ATG2B: variants seen among roughly 807,000 people sequenced by gnomAD.
ATG2B encodes autophagy related 2B.
In ATG2B, 121 loss-of-function variants were observed where a neutral mutation model predicts 241.3. That is an observed-to-expected ratio of 0.50 (90% CI 0.43 to 0.58). The LOEUF is 0.58. Ranked by LOEUF, ATG2B falls within the 20% of genes least tolerant of loss-of-function variation. ATG2B has a pLI of 0.00. For missense variants in ATG2B, 2,306 were observed against 2,491.6 expected (o/e 0.93, Z 1.59); for synonymous variants, 858 against 876.6 (o/e 0.98, Z 0.37).
chr14:96,311,967 T>C, intron 26 of ATG2B, 122 bp downstream of exon 26: 2 of 749,796 alleles, frequency 2.7e-6, no homozygotes, highest in Non-Finnish European at 4.5e-6. Flanking sequence ...CCTTTAATCT[T>C]TAAGGATCTT....
At chr14:96,305,895 T>G in intron 30 of ATG2B, 80 bp from the exon 31 acceptor site, 1 of 1,068,072 alleles carries the variant, frequency 9.4e-7, no homozygotes, top group Non-Finnish European at 1.4e-6. Flanking sequence ...CAAGGGGCAT[T>G]CTTGCTTCTA....
rs774013589 is a variant in ATG2B, at chr14:96,295,485, C to T, written c.5215G>A (p.Glu1739Lys). 1 of 1,592,870 alleles carries T rather than the reference C, an allele frequency of 6.3e-7. No homozygotes were observed. Among genetic ancestry groups the T allele is most frequent in the Admixed American group, 1.8e-5 (1 of 55,500 alleles). ...TTCAACTATACATATTTAATACCTT[C>T]TGGATCTGGAGTCATTTGAAGCTCT... is the stretch of plus-strand genomic sequence containing the variant. ...EVELQMTPDP[E>K]VKKSPGADVT... The change falls in exon 35 of 42, where the codon GAA (glutamate) becomes AAA (lysine). Residue 1739 changes from glutamate to lysine, a missense_variant. By Grantham distance (56) the Glu-to-Lys change is moderately conservative (BLOSUM62 1). Transcript: ENST00000359933.
rs1284679273 is a variant in ATG2B, at chr14:96,317,582, T to C, written c.3037+116A>G. On this transcript the variant is annotated intron_variant, in intron 19 of 41. Coordinates refer to ENST00000359933, the MANE Select transcript of ATG2B (RefSeq NM_018036.7). ...ATTCTTATAAATTACTAAAAGAAAT[T>C]GCAAAATATAGTTACAATGAAACAT... The C allele has an allele frequency of 7.6e-6, 7 of 919,158 alleles. No individual in the cohort carries two copies. In the African/African-American group the frequency reaches 8.4e-5, roughly 11 times the overall value. 56.9% of individuals were successfully genotyped at this position (919,158 alleles called of 1,614,324 possible).
chr14:96,285,848 T>C lies in ATG2B; in HGVS notation c.6144A>G (p.Glu2048=). Residue 2048 remains glutamate, a synonymous_variant, in exon 42 of 42, where the codon GAA becomes GAG. Transcript: ENST00000359933. This position sits in a 1 kb window ranked among gnomAD's most constrained non-coding sequence, Gnocchi z 4.2. ...TGCCACCCAGCACGTTTGACGTTGC[T>C]TCTGTGGCAACAATCAGAGGTTTCA... is the stretch of plus-strand genomic sequence containing the variant. ...AVVKPLIVAT[E]ATSNVLGGMR... is the part of the protein sequence containing the mutation. 1 of 1,614,166 alleles carries C rather than the reference T, an allele frequency of 6.2e-7. No individual in the cohort carries two copies. Among genetic ancestry groups the C allele is most frequent in the Non-Finnish European group, 8.5e-7 (1 of 1,180,026 alleles).
At position 96,282,201 on chromosome 14, in the gene ATG2B, C is replaced by CT. The variant is rs1886217444; in HGVS notation, c.*3553dup. ...TCTATAAACTATACAAATAACCTTCCTTTTTAACCTAAGACTCAAACATTT... is the reference window on the plus strand; with the variant it reads ...TCTATAAACTATACAAATAACCTTCCTTTTTTAACCTAAGACTCAAACATTT... On this transcript the variant is annotated 3_prime_UTR_variant, in exon 42 of 42. Coordinates refer to ENST00000359933, the MANE Select transcript of ATG2B (RefSeq NM_018036.7). 1.3e-5 allele frequency: 2 copies of CT among 152,188 alleles called. No individual in the cohort carries two copies. The highest frequency in any genetic ancestry group is 4.1e-4 in the South Asian group (2 of 4,830). The allele number at this position is 152,188 out of a possible 1,614,324, so 9.4% of individuals were successfully genotyped here.
intron 11 of ATG2B, among the ~76,000 whole-genome samples, chr14:96,330,489 C>G (rs1033639698): frequency 6.6e-6 from 1 of 152,082 alleles, no homozygotes; most frequent in African/African-American, 2.4e-5. Context: ...AAAGGCTGGG[C>G]GTGGTGGCTC....
chr14:96,295,351 C>A, intron 35 of ATG2B, 131 bp downstream of exon 35: 1 of 866,278 alleles, frequency 1.2e-6, no homozygotes. Context: ...CGCGAATCAA[C>A]AAAAATAAAC....
At chr14:96,350,295 T>C (rs1888280073) in intron 1 of ATG2B, among the ~76,000 whole-genome samples, 1 of 152,062 alleles carries the variant, frequency 6.6e-6, no homozygotes, top group Admixed American at 6.5e-5. Flanking sequence ...AAAAGGGTTA[T>C]GAAAGAGGAG....
At chr14:96,325,312 A>T (rs189614972) in intron 15 of ATG2B, among the ~76,000 whole-genome samples, 1 of 152,326 alleles carries the variant, frequency 6.6e-6, no homozygotes, top group African/African-American at 2.4e-5. Context: ...TGCTTAGCAT[A>T]ATATTTAACA....
intron 29 of ATG2B, among the ~76,000 whole-genome samples, chr14:96,308,856 T>C (rs929783831): frequency 3.3e-5 from 5 of 152,220 alleles, no homozygotes; most frequent in African/African-American, 7.2e-5. Flanking sequence ...TCAAGGATCT[T>C]GAATCACCTG....
At chr14:96,293,385 C>A (rs1410637840) in intron 36 of ATG2B, among the ~76,000 whole-genome samples, 2 of 152,042 alleles carry the variant, frequency 1.3e-5, no homozygotes, top group African/African-American at 4.8e-5. Context: ...ATAGGACAAA[C>A]CATTTATTTT....
Position 96,279,627 on chromosome 14 carries a change from G to C in ATG2B, c.*6128C>G, listed in dbSNP as rs1247995318. On this transcript the variant is annotated 3_prime_UTR_variant, in exon 42 of 42. Transcript: ENST00000359933. ...ACAGAGAGGAAGGGAGGGTGGCCAG[G>C]CTGCCTGAAGTGGAGCCTCCGGGCT... 6.6e-6 allele frequency: 1 copy of C among 151,920 alleles called. No individual in the cohort carries two copies. The highest frequency in any genetic ancestry group is 1.5e-5 in the Non-Finnish European group (1 of 68,044). The allele number at this position is 151,920 out of a possible 1,614,324, so 9.4% of individuals were successfully genotyped here.
At chr14:96,309,844 C>A (rs1887101085) in intron 28 of ATG2B, among the ~76,000 whole-genome samples, 1 of 152,112 alleles carries the variant, frequency 6.6e-6, no homozygotes, top group Admixed American at 6.5e-5. Flanking sequence ...CTTGAAGAGG[C>A]AATGCATTTG....
In ATG2B at chr14:96,324,010, G is replaced by A. The variant is rs1001901173; in HGVS notation, c.2438-12C>T. Reference sequence around the variant, plus strand: ...TTCCTGGAACGATCCTAAAAAAAAAGACTGATTTACTGAAATGTGCTTCTT... The same window carrying A: ...TTCCTGGAACGATCCTAAAAAAAAAAACTGATTTACTGAAATGTGCTTCTT... On this transcript the variant is annotated splice_polypyrimidine_tract_variant and intron_variant, in intron 15 of 41. Transcript: ENST00000359933. 1 of 1,357,202 alleles carries A rather than the reference G, an allele frequency of 7.4e-7. No individual in the cohort carries two copies. The highest frequency in any genetic ancestry group is 1.0e-6 in the Non-Finnish European group (1 of 974,770). 84.1% of individuals were successfully genotyped at this position (1,357,202 alleles called of 1,614,324 possible).
rs1256602796 is a variant in ATG2B, at chr14:96,306,864, G to C, written c.4356C>G (p.Phe1452Leu). Residue 1452 changes from phenylalanine (F) to leucine (L), a missense_variant, in exon 30 of 42, where the codon TTC becomes TTG. By Grantham distance (22) the Phe-to-Leu change is conservative. Transcript: ENST00000359933. ...QIQEPCCSDL[F>L]LFPDESGNVS... is the part of the protein sequence containing the mutation. ...CATTCCCACTCTCGTCAGGAAACAG[G>C]AAGAGGTCTGAACAACATGGCTCCT... The C allele has an allele frequency of 1.2e-6, 2 of 1,614,032 alleles. No homozygotes were observed.
At chr14:96,361,105 A>G (rs1313205203) in intron 1 of ATG2B, among the ~76,000 whole-genome samples, 2 of 152,216 alleles carry the variant, frequency 1.3e-5, no homozygotes, top group African/African-American at 2.4e-5. Flanking sequence ...TTATCATTTT[A>G]GTTTACAAAA....
At chr14:96,322,811 T>TAC in intron 16 of ATG2B, 76 bp from the exon 17 acceptor site, 1 of 1,162,710 alleles carries the variant, frequency 8.6e-7, no homozygotes, top group Non-Finnish European at 1.2e-6. Context: ...TGCAAATTAA[T>TAC]ACACACACCA....
At position 96,290,436 on chromosome 14, in the gene ATG2B, C is replaced by G. The variant is rs1184083349; in HGVS notation, c.5856G>C (p.Gln1952His). Residue 1952 changes from glutamine (Q) to histidine (H), a missense_variant and splice_region_variant, in exon 40 of 42, where the codon CAG (glutamine) becomes CAC (histidine). By Grantham distance (24) the Gln-to-His change is conservative. This residue lies in a region of ATG2B where 379 missense variants were observed against 480.4 expected (regional missense o/e 0.79). Coordinates refer to ENST00000359933, the MANE Select transcript of ATG2B (RefSeq NM_018036.7). This position sits in a 1 kb window ranked among gnomAD's most constrained non-coding sequence, Gnocchi z 4.4. ...AGACTAAGGCAGTCTAAAAAGATAC[C>G]TGTATGGTTTGAACCATTCTGTTTG... ...ELTNRMVQTI[Q>H]AAAETAYDMV... The G allele has an allele frequency of 1.2e-6, 2 of 1,614,036 alleles. No homozygotes were observed. Among genetic ancestry groups the G allele is most frequent in the Non-Finnish European group, 1.7e-6 (2 of 1,179,968 alleles).
chr14:96,300,646 C>T (rs1167175404), intron 34 of ATG2B, among the ~76,000 whole-genome samples: 6 of 152,242 alleles, frequency 3.9e-5, no homozygotes, highest in African/African-American at 1.4e-4. Context: ...ACAAATATTT[C>T]ATTGTATTTC....
Sources: allele counts gnomAD v4.1 joint callset (sites outside exome capture counted in the v4.1 genomes callset), GRCh38; gene constraint gnomAD v4.1.1; regional missense constraint gnomAD v4.1.1; non-coding constraint Gnocchi (gnomAD v3.1); transcripts MANE v1.5; gene names NCBI Gene and HGNC (gene_info 2026-07-23, HGNC 2026-07-21).